The following EXOC4 variants were observed in gnomAD, a reference collection of about 807,000 sequenced individuals.
EXOC4 encodes exocyst complex component 4.
EXOC4 carries 71 observed loss-of-function variants against 107.2 expected under a neutral mutation model. That is an observed-to-expected ratio of 0.66 (90% CI 0.55 to 0.81). The LOEUF (loss-of-function observed/expected upper bound fraction) is 0.81. Among genes scored for constraint, EXOC4 ranks in the 30% least tolerant of loss-of-function variants. The probability of loss-of-function intolerance (pLI) is 0.00; values close to 1 mark genes in which losing one functional copy is unlikely to be tolerated. For missense variants in EXOC4, 1,108 were observed against 1,189.6 expected, an observed-to-expected ratio of 0.93 and a Z score of 1.01; for synonymous variants, 456 against 441.2, an observed-to-expected ratio of 1.03 and a Z score of -0.42.
intron 10 of EXOC4, among the ~76,000 whole-genome samples, chr7:133,722,887 A>T (rs1795133686): frequency 6.6e-6 from 1 of 152,214 alleles, no homozygotes; most frequent in South Asian, 2.1e-4. Context: ...AGGAAAAATA[A>T]ATTTGTGTCA....
At chr7:133,641,451 C>T (rs1409762019) in intron 10 of EXOC4, among the ~76,000 whole-genome samples, 3 of 152,196 alleles carry the variant, frequency 2.0e-5, no homozygotes. Flanking sequence ...TAGATACACA[C>T]ACATACATAT....
In EXOC4 at chr7:133,886,256, A is replaced by G. The variant is rs542801260; in HGVS notation, c.1735-9343A>G. 2.2e-4 allele frequency among the ~76,000 whole-genome samples: 34 copies of G among 152,298 alleles called. No homozygotes were observed. The East Asian group carries it at 6.6e-3, about 29-fold the overall frequency. On this transcript the variant is annotated intron_variant, in intron 11 of 17. Transcript: ENST00000253861. ...TCTGAAGTCCTCCAGTAAAAACACC[A>G]CTTCGGTTTTCTTTGATTCAGTATT...
chr7:134,094,284 C>T, the EXOC4 span, among the ~76,000 whole-genome samples: 333 of 152,218 alleles, frequency 2.2e-3, no homozygotes, highest in Middle Eastern at 0.01. Context: ...ATTATGAACA[C>T]CTCTACATAC....
chr7:133,687,447 CTG>C (rs1037108515), intron 10 of EXOC4, among the ~76,000 whole-genome samples: 8 of 151,878 alleles, frequency 5.3e-5, no homozygotes, highest in African/African-American at 1.9e-4. Flanking sequence ...GAAAAAAAAA[CTG>C]AAACTCACCA....
At chr7:133,288,831 A>T (rs896617188) in intron 2 of EXOC4, 91 bp from the exon 3 acceptor site, 43 of 1,005,324 alleles carry the variant, frequency 4.3e-5, no homozygotes, top group Non-Finnish European at 6.3e-5. Flanking sequence ...ACTGCTGCAT[A>T]CAGTAGTACC....
At chr7:133,589,290 C>A (rs554517686) in intron 9 of EXOC4, among the ~76,000 whole-genome samples, 29 of 152,284 alleles carry the variant, frequency 1.9e-4, no homozygotes, top group African/African-American at 7.0e-4. Flanking sequence ...TCATAATAAG[C>A]AGATGGTATC....
At chr7:133,747,448 T>C (rs1398248200) in intron 10 of EXOC4, among the ~76,000 whole-genome samples, 1 of 152,202 alleles carries the variant, frequency 6.6e-6, no homozygotes. Flanking sequence ...ATCACTGTTA[T>C]TTTATTTTTC....
intron 9 of EXOC4, among the ~76,000 whole-genome samples, chr7:133,521,603 G>A (rs1318907870): frequency 1.3e-5 from 2 of 151,524 alleles, no homozygotes; most frequent in Admixed American, 6.6e-5. Context: ...TTTCAGTTCC[G>A]TGTTTTTTTT....
chr7:133,737,909 C>CTTTTTTTTT lies in EXOC4; in HGVS notation c.1515-79404_1515-79396dup, dbSNP rs10673346. 3.3e-3 allele frequency among the ~76,000 whole-genome samples: 291 copies of CTTTTTTTTT among 89,252 alleles called. 8 individuals carry two copies. Among genetic ancestry groups the CTTTTTTTTT allele is most frequent in the East Asian group, 5.7e-3 (14 of 2,442 alleles). 58.6% of individuals were successfully genotyped at this position (89,252 alleles called of 152,430 possible). A position where few individuals can be genotyped will look rare whatever the true frequency, so the allele number is the denominator to read the frequency against. On this transcript the variant is annotated intron_variant, in intron 10 of 17. Coordinates refer to ENST00000253861, the MANE Select transcript of EXOC4 (RefSeq NM_021807.4). Reference sequence around the variant, plus strand: ...TTTTTGTGCCTCTTGATTTTTCTTTCTTTTTTTTTTTTTTTTTTTTGAGAC... The same window carrying CTTTTTTTTT: ...TTTTTGTGCCTCTTGATTTTTCTTTCTTTTTTTTTTTTTTTTTTTTTTTTTTTTTGAGAC...
chr7:133,845,335 AGTGTGTGTGT>A (rs34845137), intron 11 of EXOC4, among the ~76,000 whole-genome samples: 9 of 138,012 alleles, frequency 6.5e-5, no homozygotes, highest in East Asian at 6.2e-4. Flanking sequence ...GCAGGTTAGT[AGTGTGTGTGT>A]GTGTGTGTGT....
intron 7 of EXOC4, among the ~76,000 whole-genome samples, chr7:133,455,749 A>G (rs980968918): frequency 7.9e-5 from 12 of 152,212 alleles, no homozygotes; most frequent in African/African-American, 2.7e-4. Context: ...TTGGCAGTCC[A>G]TAGATTTATG....
At chr7:133,393,091 G>A (rs1395745095) in intron 7 of EXOC4, among the ~76,000 whole-genome samples, 3 of 151,792 alleles carry the variant, frequency 2.0e-5, no homozygotes, top group Non-Finnish European at 4.4e-5. Context: ...TACTGTCCTT[G>A]CCCTCATCTC....
intron 9 of EXOC4, among the ~76,000 whole-genome samples, chr7:133,527,816 A>G (rs1800109012): frequency 6.6e-6 from 1 of 152,222 alleles, no homozygotes; most frequent in Non-Finnish European, 1.5e-5. Context: ...CAACACTGAT[A>G]ATCAAGAATC....
At chr7:133,736,693 C>T (rs1254929905) in intron 10 of EXOC4, among the ~76,000 whole-genome samples, 1 of 152,170 alleles carries the variant, frequency 6.6e-6, no homozygotes, top group Non-Finnish European at 1.5e-5. Flanking sequence ...CCTCTTTTGA[C>T]TGGTCTTCCC....
rs536190481 is a variant in EXOC4, at chr7:133,716,472, G to A, written c.1514+86331G>A. ...AGACATTCTGCCTATTCACAGAATA[G>A]TGTATACTTATTACATCTAATCTTG... On this transcript the variant is annotated intron_variant, in intron 10 of 17. Transcript: ENST00000253861. 8.5e-5 allele frequency among the ~76,000 whole-genome samples: 13 copies of A among 152,310 alleles called. No individual in the cohort carries two copies. The South Asian group carries it at 2.7e-3, about 32-fold the overall frequency.
At chr7:133,924,981 A>G (rs905088637) in intron 13 of EXOC4, among the ~76,000 whole-genome samples, 5 of 152,256 alleles carry the variant, frequency 3.3e-5, no homozygotes, top group African/African-American at 1.2e-4. Flanking sequence ...TTAGAAGTCG[A>G]AAGCAAAGTT....
chr7:133,698,565 G>C (rs1397264124), intron 10 of EXOC4, among the ~76,000 whole-genome samples: 2 of 91,930 alleles, frequency 2.2e-5, no homozygotes, highest in Non-Finnish European at 4.3e-5. Flanking sequence ...ACAGACACCA[G>C]AGTGGTGTCA....
intron 10 of EXOC4, among the ~76,000 whole-genome samples, chr7:133,751,982 CAAATAAAT>C (rs138557946): frequency 6.6e-4 from 82 of 125,092 alleles, no homozygotes; most frequent in Non-Finnish European, 1.0e-3. Flanking sequence ...ATCTCTCTAC[CAAATAAAT>C]AAATAAATAA....
chr7:133,826,002 G>A (rs933605270), intron 11 of EXOC4, among the ~76,000 whole-genome samples: 1 of 152,018 alleles, frequency 6.6e-6, no homozygotes, highest in Non-Finnish European at 1.5e-5. Context: ...GATTTTCTTT[G>A]CATTTTACTC....
Sources: allele counts gnomAD v4.1 joint callset (sites outside exome capture counted in the v4.1 genomes callset), GRCh38; gene constraint gnomAD v4.1.1; transcripts MANE v1.5; gene names NCBI Gene and HGNC (gene_info 2026-07-23, HGNC 2026-07-21).